The following ZNF566 variants were observed in gnomAD, a reference collection of about 807,000 sequenced individuals.
ZNF566 encodes zinc finger protein 566.
Under a neutral mutation model 32.8 loss-of-function variants are expected in ZNF566, and 27 were observed. The ratio of observed to expected loss-of-function variants is 0.82; its 90% confidence interval spans 0.61 to 1.14. The LOEUF (loss-of-function observed/expected upper bound fraction) is 1.14, where lower values mean the gene tolerates loss of function less well. ZNF566 is among the 50% of genes most tolerant of loss of function. ZNF566 has a pLI of 0.00. For missense variants in ZNF566, 402 were observed against 490.4 expected (o/e 0.82, Z 1.70); for synonymous variants, 154 against 159.5 (o/e 0.97, Z 0.26).
chr19:36,458,124 T>C (rs2033364442), intron 4 of ZNF566, among the ~76,000 whole-genome samples: 2 of 151,784 alleles, frequency 1.3e-5, no homozygotes, highest in Non-Finnish European at 2.9e-5. Context: ...ATCAAATCAG[T>C]ATGGGGGAAA....
chr19:36,468,746 CTACAAAAAA>C (rs2033689337), intron 4 of ZNF566, among the ~76,000 whole-genome samples: 1 of 151,550 alleles, frequency 6.6e-6, no homozygotes, highest in Non-Finnish European at 1.5e-5. Flanking sequence ...AACCCCGTCT[CTACAAAAAA>C]TACAAAAAAT....
Position 36,449,013 on chromosome 19 carries a change from G to T in ZNF566, c.1221C>A (p.Asp407Glu). The T allele has an allele frequency of 6.2e-7, 1 of 1,603,298 alleles. No homozygotes were observed. Among genetic ancestry groups the T allele is most frequent in the Non-Finnish European group, 8.5e-7 (1 of 1,176,074 alleles). The change falls in exon 5 of 5, where the codon GAC (aspartate) becomes GAA (glutamate). Residue 407 changes from aspartate to glutamate, a missense_variant. By Grantham distance (45) the Asp-to-Glu change is conservative. Transcript: ENST00000452939. ...YRECGKNFNY[D>E]PQLIQHQNLY... ...AATTTTGATGCTGAATAAGTTGTGGGTCATAATTAAAGTTCTTTCCACATT... is the reference window on the plus strand; with the variant it reads ...AATTTTGATGCTGAATAAGTTGTGGTTCATAATTAAAGTTCTTTCCACATT...
At chr19:36,483,925 T>C (rs1237952469) in intron 1 of ZNF566, among the ~76,000 whole-genome samples, 1 of 152,150 alleles carries the variant, frequency 6.6e-6, no homozygotes, top group Non-Finnish European at 1.5e-5. Flanking sequence ...AGACGGAGTT[T>C]TGCTCTTGTT....
chr19:36,450,938 G>T (rs567212567), intron 4 of ZNF566, among the ~76,000 whole-genome samples: 1 of 152,306 alleles, frequency 6.6e-6, no homozygotes, highest in East Asian at 1.9e-4. Flanking sequence ...CCAGCCCCTG[G>T]TTAGATATGC....
intron 2 of ZNF566, 85 bp downstream of exon 2, chr19:36,476,464 A>T: frequency 7.9e-7 from 1 of 1,272,392 alleles, no homozygotes; most frequent in Non-Finnish European, 1.1e-6. Context: ...CTAACATCAA[A>T]AAGCATCATC....
In ZNF566 at chr19:36,476,595, C is replaced by T. The variant is rs775769763; in HGVS notation, c.-38G>A. The T allele has an allele frequency of 2.5e-6, 4 of 1,613,098 alleles. No homozygotes were observed. In the South Asian group the frequency reaches 4.4e-5, roughly 18 times the overall value. ...TGTAGAAAAGGACCTTCTCTTGGCTCTTCTTTTGGAGAAGGGTAGAGCTGG... is the reference window on the plus strand; with the variant it reads ...TGTAGAAAAGGACCTTCTCTTGGCTTTTCTTTTGGAGAAGGGTAGAGCTGG... On this transcript the variant is annotated 5_prime_UTR_variant, in exon 2 of 5. Coordinates refer to ENST00000452939, the MANE Select transcript of ZNF566 (RefSeq NM_001145344.1).
At chr19:36,467,601 G>T (rs916541817) in intron 4 of ZNF566, among the ~76,000 whole-genome samples, 1 of 149,878 alleles carries the variant, frequency 6.7e-6, no homozygotes, top group Non-Finnish European at 1.5e-5. Flanking sequence ...GACCAGCCTG[G>T]CCAACATGGT....
At chr19:36,456,380 C>CAAAAAAAAAAAAAAAAA (rs59964294) in intron 4 of ZNF566, 3 of 96,532 alleles carry the variant, frequency 3.1e-5, no homozygotes, top group Non-Finnish European at 6.1e-5. Flanking sequence ...TACTAAAATA[C>CAAAAAAAAAAAAAAAAA]AAAAAAAAAA....
intron 1 of ZNF566, 150 bp downstream of exon 1, chr19:36,489,336 A>C (rs1460929366): frequency 4.3e-6 from 1 of 232,156 alleles, no homozygotes; most frequent in Non-Finnish European, 8.7e-6. Context: ...CACTCATCAC[A>C]AGGGCAGCCT....
chr19:36,472,609 A>G (rs1600165626), intron 4 of ZNF566, among the ~76,000 whole-genome samples: 1 of 152,326 alleles, frequency 6.6e-6, no homozygotes, highest in East Asian at 1.9e-4. Context: ...TAGACTAAAT[A>G]CAAAGGAGGA....
At chr19:36,481,794 T>C (rs2034039366) in intron 1 of ZNF566, among the ~76,000 whole-genome samples, 1 of 152,168 alleles carries the variant, frequency 6.6e-6, no homozygotes, top group Admixed American at 6.6e-5. Context: ...AGTAACAAAA[T>C]ATTGTAAATG....
At chr19:36,474,423 G>A (rs1600168097) in intron 2 of ZNF566, among the ~76,000 whole-genome samples, 2 of 152,334 alleles carry the variant, frequency 1.3e-5, no homozygotes, top group South Asian at 4.1e-4. Context: ...ACAAAGCCAT[G>A]AGCTCGCTTG....
At chr19:36,473,216 T>C (rs750094540) in intron 3 of ZNF566, 116 bp downstream of exon 3, 28 of 1,331,864 alleles carry the variant, frequency 2.1e-5, no homozygotes, top group Non-Finnish European at 3.0e-5. Context: ...AGAACATTCC[T>C]GTGGAACAGG....
At chr19:36,469,734 G>C (rs2033717032) in intron 4 of ZNF566, among the ~76,000 whole-genome samples, 1 of 152,148 alleles carries the variant, frequency 6.6e-6, no homozygotes, top group South Asian at 2.1e-4. Flanking sequence ...CACTGTGAGT[G>C]TCTGAAAGCT....
Position 36,449,870 on chromosome 19 carries a change from A to G in ZNF566, c.364T>C (p.Trp122Arg). 1 of 1,614,094 alleles carries G rather than the reference A, an allele frequency of 6.2e-7. No individual in the cohort carries two copies. The highest frequency in any genetic ancestry group is 8.5e-7 in the Non-Finnish European group (1 of 1,180,014). Residue 122 changes from tryptophan (W) to arginine (R), a missense_variant, in exon 5 of 5, where the codon TGG becomes CGG. Trp to Arg is a moderately radical substitution (Grantham distance 101, BLOSUM62 -3). Coordinates refer to ENST00000452939, the MANE Select transcript of ZNF566 (RefSeq NM_001145344.1). ...TTCTTAAACTGCCGATTACATTCCC[A>G]ATCATCTCTGAAACTGGAGCACTGA... ...DFQCSSFRDD[W>R]ECNRQFKKEL...
intron 4 of ZNF566, among the ~76,000 whole-genome samples, chr19:36,462,078 TC>T (rs1322376133): frequency 6.7e-6 from 1 of 149,734 alleles, no homozygotes; most frequent in South Asian, 2.1e-4. Flanking sequence ...AACCTCTGCC[TC>T]CCGGGTTCAA....
At chr19:36,456,255 G>A (rs546565938) in intron 4 of ZNF566, among the ~76,000 whole-genome samples, 59 of 151,548 alleles carry the variant, frequency 3.9e-4, no homozygotes, top group Non-Finnish European at 6.0e-4. Flanking sequence ...ATGAAGACAC[G>A]CCAGGCATGG....
intron 4 of ZNF566, among the ~76,000 whole-genome samples, chr19:36,462,474 A>G (rs76135697): frequency 0.013 from 2,029 of 151,962 alleles, 49 homozygotes; most frequent in African/African-American, 0.046. Context: ...GCAGGAGGAA[A>G]CAGAGAAAAA....
chr19:36,454,536 G>A (rs2033251717), intron 4 of ZNF566, among the ~76,000 whole-genome samples: 1 of 152,086 alleles, frequency 6.6e-6, no homozygotes, highest in Non-Finnish European at 1.5e-5. Flanking sequence ...CTGGGCAATA[G>A]AGGGAGACCT....
Sources: allele counts gnomAD v4.1 joint callset (sites outside exome capture counted in the v4.1 genomes callset), GRCh38; gene constraint gnomAD v4.1.1; transcripts MANE v1.5; gene names NCBI Gene and HGNC (gene_info 2026-07-23, HGNC 2026-07-21).